The following SLC4A11 variants were observed in gnomAD, a reference collection of about 807,000 sequenced individuals.
SLC4A11 encodes the protein solute carrier family 4 member 11, also known as bicarbonate transporter related protein 1.
Under a neutral mutation model 95.0 loss-of-function variants are expected in SLC4A11, and 74 were observed. The observed-to-expected ratio is 0.78, with a 90% CI of 0.65 to 0.95. The LOEUF (loss-of-function observed/expected upper bound fraction) is 0.95. Ranked by LOEUF, SLC4A11 falls within the 40% of genes least tolerant of loss-of-function variation. The probability of loss-of-function intolerance (pLI) is 0.00; values close to 1 mark genes in which losing one functional copy is unlikely to be tolerated. For missense variants in SLC4A11, 1,081 were observed against 1,192.4 expected (o/e 0.91, Z 1.38); for synonymous variants, 548 against 519.0 (o/e 1.06, Z -0.76).
chr20:3,239,422 G>C (rs922622561), upstream of SLC4A11: 5 of 1,071,312 alleles, frequency 4.7e-6, no homozygotes, highest in Non-Finnish European at 5.6e-6. Flanking sequence ...GAGTAGACCC[G>C]GCTCCTTCGA....
At chr20:3,237,879 G>A in intron 1 of SLC4A11, 2 of 1,551,014 alleles carry the variant, frequency 1.3e-6, no homozygotes, top group Non-Finnish European at 1.7e-6. Context: ...TTCCCACCGA[G>A]TTAGTACCAG....
Position 3,234,541 on chromosome 20 carries a change from G to A in SLC4A11, c.291+27C>T. On this transcript the variant is annotated intron_variant, in intron 4 of 19. Coordinates refer to ENST00000642402, the MANE Select transcript of SLC4A11 (RefSeq NM_001174089.2). This position sits in a 1 kb window ranked among gnomAD's most constrained non-coding sequence, Gnocchi z 5.8. Reference sequence around the variant, plus strand: ...CCTCAGCCCCCAGGTAGAGGCCCCAGGACCACCTGCAGGACAGGCCATTCA... The same window carrying A: ...CCTCAGCCCCCAGGTAGAGGCCCCAAGACCACCTGCAGGACAGGCCATTCA... 6.2e-7 allele frequency: 1 copy of A among 1,613,684 alleles called. No individual in the cohort carries two copies. The highest frequency in any genetic ancestry group is 8.5e-7 in the Non-Finnish European group (1 of 1,179,972).
rs866703565 is a variant in SLC4A11, at chr20:3,231,722, G to A, written c.730-174C>T. Among the ~76,000 whole-genome samples the A allele has an allele frequency of 2.6e-5, 4 of 152,140 alleles. No individual in the cohort carries two copies. The highest frequency in any genetic ancestry group is 5.9e-5 in the Non-Finnish European group (4 of 68,024). ...AGGCTGAGTGCAGTGGCACACTCAC[G>A]GCTTATCGTAGCCTCGACCTCCCGG... On this transcript the variant is annotated intron_variant, in intron 7 of 19. Coordinates refer to ENST00000642402, the MANE Select transcript of SLC4A11 (RefSeq NM_001174089.2). The surrounding 1 kb of genome is among the most constrained non-coding windows in gnomAD (Gnocchi z 5.2).
intron 7 of SLC4A11, among the ~76,000 whole-genome samples, chr20:3,232,073 T>A (rs1568537496): frequency 6.6e-6 from 1 of 152,268 alleles, no homozygotes; most frequent in Non-Finnish European, 1.5e-5. Context: ...TATAAACTCA[T>A]GATTTCTTAT....
In SLC4A11 at chr20:3,229,620, G is replaced by A. The variant is rs754745672; in HGVS notation, c.1646C>T (p.Ser549Leu). 7 of 1,613,176 alleles carry A rather than the reference G, an allele frequency of 4.3e-6. No individual in the cohort carries two copies. Among genetic ancestry groups the A allele is most frequent in the East Asian group, 2.2e-5 (1 of 44,872 alleles). ...GGTCGCCTGGCCTGAGTGTGTGGCC[G>A]AGGGCAGCTCCGTGGGGCTGGCGAG... The part of the protein sequence containing the change: ...SFLASPTELP[S>L]ATHSGQATAV... Residue 549 changes from serine to leucine, a missense_variant, in exon 14 of 20, where the codon TCG (serine) becomes TTG (leucine). This residue lies in a region of SLC4A11 where 767 missense variants were observed against 858.0 expected (regional missense o/e 0.89). Coordinates refer to ENST00000642402, the MANE Select transcript of SLC4A11 (RefSeq NM_001174089.2).
chr20:3,227,609 AG>A lies in SLC4A11; in HGVS notation c.*177del. ...GCCTAAAGCTAAAGGATAATGGGAGAGGGGTGGGCACATACCACTGCACCCC... is the reference window on the plus strand; with the variant it reads ...GCCTAAAGCTAAAGGATAATGGGAGAGGGTGGGCACATACCACTGCACCCC... On this transcript the variant is annotated 3_prime_UTR_variant, in exon 20 of 20. Coordinates refer to ENST00000642402, the MANE Select transcript of SLC4A11 (RefSeq NM_001174089.2). 1 of 668,974 alleles carries A rather than the reference AG, an allele frequency of 1.5e-6. No homozygotes were observed. The highest frequency in any genetic ancestry group is 2.7e-6 in the Non-Finnish European group (1 of 374,446). 41.4% of individuals were successfully genotyped at this position (668,974 alleles called of 1,614,324 possible). A position where few individuals can be genotyped will look rare whatever the true frequency, so the allele number is the denominator to read the frequency against.
rs1269847746 is a variant in SLC4A11 at position 3,231,120 on chromosome 20, C to A, written c.1042+29G>T. On this transcript the variant is annotated intron_variant, in intron 9 of 19. Coordinates refer to ENST00000642402, the MANE Select transcript of SLC4A11 (RefSeq NM_001174089.2). The surrounding 1 kb of genome is among the most constrained non-coding windows in gnomAD (Gnocchi z 5.2). ...ATGCAGGACAGGCACACGTGTGGGC[C>A]CAAGGCCTGGAAAGCAGAGGCCACG... The A allele has an allele frequency of 6.2e-7, 1 of 1,614,130 alleles. No individual in the cohort carries two copies. The highest frequency in any genetic ancestry group is 8.5e-7 in the Non-Finnish European group (1 of 1,180,028).
At chr20:3,235,008 T>C in intron 2 of SLC4A11, 114 bp from the exon 3 acceptor site, 1 of 1,331,874 alleles carries the variant, frequency 7.5e-7, no homozygotes, top group Non-Finnish European at 1.1e-6. Flanking sequence ...CGGGCCGTGG[T>C]GGGAGAGGCC....
Position 3,228,256 on chromosome 20 carries a change from T to C in SLC4A11, c.2558+3A>G. 1 of 1,611,044 alleles carries C rather than the reference T, an allele frequency of 6.2e-7. No homozygotes were observed. ...CTCCTGCCCACTGCCCACCCGCCTG[T>C]ACCGGATGGGGATCATGGCGATCAT... On this transcript the variant is annotated splice_donor_region_variant and intron_variant, in intron 19 of 19. Transcript: ENST00000642402.
rs928739469 is a variant in SLC4A11, at chr20:3,227,680, G to A, written c.*107C>T. The A allele has an allele frequency of 2.9e-5, 35 of 1,210,788 alleles. No homozygotes were observed. The highest frequency in any genetic ancestry group is 5.7e-5 in the Admixed American group (3 of 52,630). 75.0% of individuals were successfully genotyped at this position (1,210,788 alleles called of 1,614,324 possible). A position where few individuals can be genotyped will look rare whatever the true frequency, so the allele number is the denominator to read the frequency against. The stretch of plus-strand genomic sequence containing the variant: ...AGGCCTGAGTCAGCCATGAGAAGGC[G>A]CAGCACAGAGCAGTCACCCACACAC... On this transcript the variant is annotated 3_prime_UTR_variant, in exon 20 of 20. Coordinates refer to ENST00000642402, the MANE Select transcript of SLC4A11 (RefSeq NM_001174089.2).
In SLC4A11 at chr20:3,233,501, AC is replaced by A; in HGVS notation, c.729+12del. 1 of 1,613,392 alleles carries A rather than the reference AC, an allele frequency of 6.2e-7. No individual in the cohort carries two copies. Among genetic ancestry groups the A allele is most frequent in the Non-Finnish European group, 8.5e-7 (1 of 1,179,954 alleles). On this transcript the variant is annotated intron_variant, in intron 7 of 19. Coordinates refer to ENST00000642402, the MANE Select transcript of SLC4A11 (RefSeq NM_001174089.2). ...CCCTCCTTCTTCCCCAGGACACGGCACTACCCACTCACCATCTTGGGTGGGG... is the reference window on the plus strand; with the variant it reads ...CCCTCCTTCTTCCCCAGGACACGGCATACCCACTCACCATCTTGGGTGGGG...
At chr20:3,238,160 CTGG>C in intron 1 of SLC4A11, 1 of 1,443,176 alleles carries the variant, frequency 6.9e-7, no homozygotes, top group Non-Finnish European at 9.1e-7. Context: ...TCCCGGCCGC[CTGG>C]AAGCCAGAGC....
intron 7 of SLC4A11, 24 bp downstream of exon 7, chr20:3,233,490 C>T (rs2067850247): frequency 6.2e-7 from 1 of 1,612,896 alleles, no homozygotes; most frequent in Admixed American, 1.7e-5. Flanking sequence ...CCTTCTTCCC[C>T]AGGACACGGC....
At chr20:3,237,307 C>T (rs1039408746) in intron 2 of SLC4A11, among the ~76,000 whole-genome samples, 5 of 152,180 alleles carry the variant, frequency 3.3e-5, no homozygotes, top group African/African-American at 1.2e-4. Flanking sequence ...GGTAAGAATC[C>T]CAGAGGGTTC....
intron 2 of SLC4A11, among the ~76,000 whole-genome samples, chr20:3,236,599 AAAC>A (rs1382973979): frequency 1.0e-5 from 1 of 99,516 alleles, no homozygotes; most frequent in Non-Finnish European, 2.4e-5. Flanking sequence ...AAACAAAACA[AAAC>A]AAAACAAAAC....
rs760670114 is a variant in SLC4A11, at chr20:3,230,179, G to A, written c.1489+8C>T. On this transcript the variant is annotated splice_region_variant and intron_variant, in intron 13 of 19. Coordinates refer to ENST00000642402, the MANE Select transcript of SLC4A11 (RefSeq NM_001174089.2). ...CCTGTTCAGCAGGTGGCCCCCAGCC[G>A]CACTCACTTTTAACCGTGCCCTTGA... is the stretch of plus-strand genomic sequence containing the variant. The A allele has an allele frequency of 1.8e-5, 29 of 1,613,296 alleles. No individual in the cohort carries two copies. The highest frequency in any genetic ancestry group is 4.4e-5 in the South Asian group (4 of 91,084).
intron 7 of SLC4A11, 151 bp downstream of exon 7, chr20:3,233,363 A>T (rs977459399): frequency 1.7e-6 from 2 of 1,151,972 alleles, no homozygotes; most frequent in Non-Finnish European, 2.5e-6. Flanking sequence ...CGGGCCTAGC[A>T]ACATGTTTCT....
chr20:3,230,746 G>A lies in SLC4A11; in HGVS notation c.1268C>T (p.Ala423Val), dbSNP rs775876542. 1.7e-5 allele frequency: 28 copies of A among 1,613,150 alleles called. No homozygotes were observed. The African/African-American group carries it at 2.3e-4, about 13-fold the overall frequency. Residue 423 changes from alanine to valine, a missense_variant, in exon 11 of 20, where the codon GCG (alanine) becomes GTG (valine). By Grantham distance (64) the Ala-to-Val change is moderately conservative. Transcript: ENST00000642402. ...LVILLTTAPL[A>V]LYIQVIRVIC... ...CCCCACTGCACCCTGGATGTAGAGCGCCAGGGGCGCGGTGGTCAGCAGAAT... is the reference window on the plus strand; with the variant it reads ...CCCCACTGCACCCTGGATGTAGAGCACCAGGGGCGCGGTGGTCAGCAGAAT...
chr20:3,238,620 G>C (rs2068064876), intron 1 of SLC4A11: 1 of 992,378 alleles, frequency 1.0e-6, no homozygotes, highest in Non-Finnish European at 1.2e-6. Context: ...GGCCGCGCAG[G>C]GCACGGTCAG....
Sources: gnomAD v4.1 joint callset for allele counts (sites outside exome capture counted in the v4.1 genomes callset) on GRCh38, gnomAD v4.1.1 for gene constraint, gnomAD v4.1.1 regional missense constraint, Gnocchi (gnomAD v3.1) non-coding constraint, MANE v1.5 for transcripts, NCBI Gene and HGNC (gene_info 2026-07-23, HGNC 2026-07-21) for gene names.